PPP2R5A: variants seen among roughly 807,000 people sequenced by gnomAD.
The protein encoded by PPP2R5A is serine/threonine-protein phosphatase 2A 56 kDa regulatory subunit alpha isoform.
A neutral mutation model predicts 64.2 loss-of-function variants in PPP2R5A; 25 were observed. That is an observed-to-expected ratio of 0.39 (90% CI 0.28 to 0.54). The LOEUF (loss-of-function observed/expected upper bound fraction) is 0.54, where lower values mean the gene tolerates loss of function less well. PPP2R5A is among the 20% of genes least tolerant of loss of function. The pLI is 0.67. For synonymous variants in PPP2R5A, 198 were observed against 201.2 expected, an observed-to-expected ratio of 0.98 and a Z score of 0.13; for missense variants, 425 against 576.3, an observed-to-expected ratio of 0.74 and a Z score of 2.69.
chr1:212,320,297 G>A (rs1280373379), intron 1 of PPP2R5A, among the ~76,000 whole-genome samples: 4 of 152,216 alleles, frequency 2.6e-5, no homozygotes, highest in African/African-American at 9.6e-5. Flanking sequence ...CAAGGCAGAA[G>A]AATGTTTCTT....
rs191765586 is a variant in PPP2R5A, at chr1:212,344,122, G to A, written c.574-1681G>A. On this transcript the variant is annotated intron_variant, in intron 4 of 12. Coordinates refer to ENST00000261461, the MANE Select transcript of PPP2R5A (RefSeq NM_006243.4). The stretch of plus-strand genomic sequence containing the variant: ...AAGTAGCTGGGACTGCAAATGTGCC[G>A]ACATGCCTGGCTAATTTTTGTTTGT... 2.7e-3 allele frequency among the ~76,000 whole-genome samples: 418 copies of A among 152,162 alleles called. 3 individuals are homozygous for A. Among genetic ancestry groups the A allele is most frequent in the Admixed American group, 0.013 (206 of 15,264 alleles).
chr1:212,354,052 C>T (rs1028729675), intron 8 of PPP2R5A, among the ~76,000 whole-genome samples: 1 of 152,036 alleles, frequency 6.6e-6, no homozygotes, highest in African/African-American at 2.4e-5. Context: ...AGCCTGGTGG[C>T]GGGCGCCTGT....
chr1:212,346,834 G>T (rs1659784132), intron 5 of PPP2R5A, among the ~76,000 whole-genome samples: 1 of 152,058 alleles, frequency 6.6e-6, no homozygotes. Flanking sequence ...TCTTTCTCCA[G>T]TTCTCTGTCA....
At chr1:212,338,044 T>TA (rs1183333785) in intron 3 of PPP2R5A, among the ~76,000 whole-genome samples, 1 of 152,228 alleles carries the variant, frequency 6.6e-6, no homozygotes, top group African/African-American at 2.4e-5. Flanking sequence ...TGTAGGTCTT[T>TA]AAAGTTTGCT....
chr1:212,309,604 T>C (rs987008696), intron 1 of PPP2R5A: 1 of 625,952 alleles, frequency 1.6e-6, no homozygotes, highest in Non-Finnish European at 2.8e-6. Context: ...ATATATTCTG[T>C]TAAATCCAAC....
At chr1:212,301,951 T>G in intron 1 of PPP2R5A, 1 of 1,346,764 alleles carries the variant, frequency 7.4e-7, no homozygotes, top group Non-Finnish European at 9.7e-7. Flanking sequence ...TAGAAATGAT[T>G]CCTGCTACTT....
chr1:212,306,087 CCCCTGTA>C (rs1287389309), intron 1 of PPP2R5A, among the ~76,000 whole-genome samples: 1 of 152,162 alleles, frequency 6.6e-6, no homozygotes, highest in Non-Finnish European at 1.5e-5. Context: ...GCAAGTCCTG[CCCCTGTA>C]CCCTTTCCCC....
chr1:212,297,691 T>A (rs1397416174), intron 1 of PPP2R5A: 2 of 152,208 alleles, frequency 1.3e-5, no homozygotes, highest in East Asian at 3.8e-4. Context: ...TAAAAATGCT[T>A]CATTGATCTT....
chr1:212,290,107 A>G (rs945667102), intron 1 of PPP2R5A, among the ~76,000 whole-genome samples: 2 of 152,230 alleles, frequency 1.3e-5, no homozygotes, highest in South Asian at 2.1e-4. Context: ...AACTTTCCCA[A>G]GTAGCACTCA....
At chr1:212,343,625 GGTGT>G (rs1659724813) in intron 4 of PPP2R5A, among the ~76,000 whole-genome samples, 1 of 152,100 alleles carries the variant, frequency 6.6e-6, no homozygotes, top group South Asian at 2.1e-4. Context: ...AGAAATATTA[GGTGT>G]GTATTAACAG....
chr1:212,338,275 A>G (rs773250747), intron 3 of PPP2R5A, among the ~76,000 whole-genome samples: 3 of 152,174 alleles, frequency 2.0e-5, no homozygotes, highest in Non-Finnish European at 4.4e-5. Flanking sequence ...TCAATTCCCT[A>G]TACTTTTTAG....
intron 1 of PPP2R5A, among the ~76,000 whole-genome samples, chr1:212,316,280 G>A (rs1659151178): frequency 6.6e-6 from 1 of 152,200 alleles, no homozygotes; most frequent in Non-Finnish European, 1.5e-5. Flanking sequence ...AAGAGCTCTT[G>A]AAGGACATTA....
intron 3 of PPP2R5A, among the ~76,000 whole-genome samples, chr1:212,338,676 A>C (rs1055251026): frequency 6.6e-6 from 1 of 151,988 alleles, no homozygotes; most frequent in Non-Finnish European, 1.5e-5. Flanking sequence ...AATCCCAGCT[A>C]CTCAGGAGGC....
intron 1 of PPP2R5A, among the ~76,000 whole-genome samples, chr1:212,318,748 T>C (rs1659206042): frequency 6.6e-6 from 1 of 152,188 alleles, no homozygotes; most frequent in Non-Finnish European, 1.5e-5. Context: ...TGTAGAGACT[T>C]TTTTTTCAGG....
chr1:212,286,572 A>G (rs1377906062), intron 1 of PPP2R5A, among the ~76,000 whole-genome samples: 1 of 152,102 alleles, frequency 6.6e-6, no homozygotes, highest in Admixed American at 6.5e-5. Flanking sequence ...CTTAACCTGC[A>G]CTTCCTATCT....
At chr1:212,310,782 G>T (rs1024678426) in intron 1 of PPP2R5A, among the ~76,000 whole-genome samples, 29 of 152,330 alleles carry the variant, frequency 1.9e-4, no homozygotes, top group African/African-American at 6.7e-4. Context: ...AAGGAGGCCT[G>T]CCTTTCAGTT....
At position 212,358,720 on chromosome 1, in the gene PPP2R5A, ACCC is replaced by A. The variant is rs1660028509; in HGVS notation, c.1262_1264del (p.Thr421_Leu422delinsIle). On this transcript the variant is annotated inframe_deletion, in exon 12 of 13. Coordinates refer to ENST00000261461, the MANE Select transcript of PPP2R5A (RefSeq NM_006243.4). ...AGCACTGGTATACAATGTGCTGAAA[ACCC>A]TAATGGAAATGAATGGCAAGCTTTT... 1 of 1,613,510 alleles carries A rather than the reference ACCC, an allele frequency of 6.2e-7. No individual in the cohort carries two copies. The highest frequency in any genetic ancestry group is 1.3e-5 in the African/African-American group (1 of 74,892).
At chr1:212,309,619 G>A (rs1658990036) in intron 1 of PPP2R5A, 4 of 584,690 alleles carry the variant, frequency 6.8e-6, no homozygotes, top group Admixed American at 6.0e-5. Context: ...TCCAACATAC[G>A]GTCACTCTCA....
intron 1 of PPP2R5A, among the ~76,000 whole-genome samples, chr1:212,301,444 A>G (rs66987133): frequency 0.09 from 13,765 of 152,244 alleles, 1,454 homozygotes; most frequent in African/African-American, 0.26. Context: ...TCTTAAAATA[A>G]TACATACATT....
Sources: gnomAD v4.1 joint callset for allele counts (sites outside exome capture counted in the v4.1 genomes callset) on GRCh38, gnomAD v4.1.1 for gene constraint, MANE v1.5 for transcripts, NCBI Gene and HGNC (gene_info 2026-07-23, HGNC 2026-07-21) for gene names.